Variants in SLC1A1 observed in about 807,000 individuals in gnomAD.
The protein encoded by SLC1A1 is excitatory amino acid transporter 3.
Under a neutral mutation model 53.3 loss-of-function variants are expected in SLC1A1, and 43 were observed. The observed-to-expected ratio is 0.81, with a 90% CI of 0.63 to 1.04. SLC1A1 has a LOEUF of 1.04. Among genes scored for constraint, SLC1A1 ranks in the 50% least tolerant of loss-of-function variants. The pLI is 0.00. For synonymous variants in SLC1A1, 307 were observed against 243.2 expected (o/e 1.26, Z -2.44); for missense variants, 748 against 664.9 (o/e 1.12, Z -1.37).
At chr9:4,516,347 G>C (rs1364504937) in intron 1 of SLC1A1, among the ~76,000 whole-genome samples, 2 of 152,324 alleles carry the variant, frequency 1.3e-5, no homozygotes, top group Non-Finnish European at 1.5e-5. Flanking sequence ...AAATAAAACA[G>C]GGCTGGCTGT....
At chr9:4,561,671 C>T (rs948162558) in intron 3 of SLC1A1, 130 bp downstream of exon 3, 7 of 738,126 alleles carry the variant, frequency 9.5e-6, no homozygotes, top group Non-Finnish European at 1.7e-5. Context: ...GTGGGCAGAT[C>T]CCTTGAGGTC....
intron 5 of SLC1A1, 96 bp from the exon 6 acceptor site, chr9:4,567,573 G>C (rs557485569): frequency 7.8e-4 from 612 of 782,590 alleles, no homozygotes; most frequent in Non-Finnish European, 8.2e-4. Context: ...CAGTGGCACT[G>C]TTTGGCCAAA....
intron 6 of SLC1A1, among the ~76,000 whole-genome samples, chr9:4,571,785 G>A (rs1586831856): frequency 6.6e-6 from 1 of 152,138 alleles, no homozygotes; most frequent in Non-Finnish European, 1.5e-5. Flanking sequence ...AAGGTAAAAT[G>A]TCCTAAAAGT....
At chr9:4,531,222 T>G (rs1445741459) in intron 1 of SLC1A1, among the ~76,000 whole-genome samples, 1 of 152,156 alleles carries the variant, frequency 6.6e-6, no homozygotes, top group African/African-American at 2.4e-5. Context: ...GGACAGTGGG[T>G]GCAGTGCACC....
At chr9:4,527,891 C>T (rs1051847460) in intron 1 of SLC1A1, among the ~76,000 whole-genome samples, 3 of 152,058 alleles carry the variant, frequency 2.0e-5, no homozygotes, top group Non-Finnish European at 4.4e-5. Context: ...AGAAATAAAA[C>T]CCTCCTGAAG....
chr9:4,509,563 A>T (rs892858940), intron 1 of SLC1A1, among the ~76,000 whole-genome samples: 21 of 148,692 alleles, frequency 1.4e-4, no homozygotes, highest in African/African-American at 4.5e-4. Context: ...GGAGAAAATA[A>T]AAAAAAAAAC....
intron 1 of SLC1A1, among the ~76,000 whole-genome samples, chr9:4,541,705 G>A (rs976753078): frequency 6.6e-6 from 1 of 152,084 alleles, no homozygotes; most frequent in Non-Finnish European, 1.5e-5. Context: ...TTCCCTTAAG[G>A]CTCAAAATAA....
At chr9:4,578,335 T>C (rs181643954) in intron 10 of SLC1A1, among the ~76,000 whole-genome samples, 1 of 152,238 alleles carries the variant, frequency 6.6e-6, no homozygotes, top group Admixed American at 6.5e-5. Context: ...ACCTACAACT[T>C]ATTCAAGTAG....
chr9:4,505,813 C>T (rs748714711), intron 1 of SLC1A1, among the ~76,000 whole-genome samples: 29 of 152,150 alleles, frequency 1.9e-4, no homozygotes, highest in Middle Eastern at 3.4e-3. Flanking sequence ...TGTGCCACCA[C>T]GCCCAGCTAA....
At chr9:4,540,638 C>T (rs1214211918) in intron 1 of SLC1A1, among the ~76,000 whole-genome samples, 1 of 152,182 alleles carries the variant, frequency 6.6e-6, no homozygotes. Flanking sequence ...ACCTGCTCAC[C>T]TGTGGACTCC....
At position 4,547,910 on chromosome 9, in the gene SLC1A1, A is replaced by C. The variant is rs550779053; in HGVS notation, c.232+3203A>C. 2.9e-3 allele frequency among the ~76,000 whole-genome samples: 438 copies of C among 152,212 alleles called. 1 individual carries two copies. The highest frequency in any genetic ancestry group is 7.7e-3 in the South Asian group (37 of 4,824). On this transcript the variant is annotated intron_variant, in intron 2 of 11. Coordinates refer to ENST00000262352, the MANE Select transcript of SLC1A1 (RefSeq NM_004170.6). Reference sequence around the variant, plus strand: ...GTGGGAACATTCCCAATACAGTATAAAGTGGGAAAATAAAATTACACAACA... The same window carrying C: ...GTGGGAACATTCCCAATACAGTATACAGTGGGAAAATAAAATTACACAACA...
chr9:4,502,685 G>C (rs1320904104), intron 1 of SLC1A1, among the ~76,000 whole-genome samples: 4 of 151,710 alleles, frequency 2.6e-5, no homozygotes, highest in Admixed American at 1.3e-4. Context: ...TGATTCCAAA[G>C]CTTAGGTTAC....
chr9:4,500,019 G>A (rs1017617511), intron 1 of SLC1A1, among the ~76,000 whole-genome samples: 2 of 152,182 alleles, frequency 1.3e-5, no homozygotes, highest in Non-Finnish European at 2.9e-5. Context: ...AAGAGAGAAA[G>A]CTTTCCACAT....
rs140889050 is a variant in SLC1A1 at position 4,573,882 on chromosome 9, C to T, written c.768-25C>T. 2.8e-4 allele frequency: 409 copies of T among 1,480,132 alleles called. 1 individual carries two copies. The African/African-American group carries it at 3.1e-3, about 11-fold the overall frequency. 91.7% of individuals were successfully genotyped at this position (1,480,132 alleles called of 1,614,324 possible). On this transcript the variant is annotated intron_variant, in intron 7 of 11. Coordinates refer to ENST00000262352, the MANE Select transcript of SLC1A1 (RefSeq NM_004170.6). ...GAGAAAGCACTTGATGACGGAATCACGCCTCTGTTGTGCTTCCTTTCCAGT... is the reference window on the plus strand; with the variant it reads ...GAGAAAGCACTTGATGACGGAATCATGCCTCTGTTGTGCTTCCTTTCCAGT...
At chr9:4,575,317 C>G (rs1238832727) in intron 8 of SLC1A1, among the ~76,000 whole-genome samples, 1 of 152,152 alleles carries the variant, frequency 6.6e-6, no homozygotes, top group Non-Finnish European at 1.5e-5. Flanking sequence ...CCTCCTAGTT[C>G]ATGTAACCTG....
chr9:4,491,308 A>C (rs191851966), intron 1 of SLC1A1, among the ~76,000 whole-genome samples: 9 of 152,296 alleles, frequency 5.9e-5, no homozygotes, highest in Admixed American at 5.2e-4. Context: ...GTGCGTGGAA[A>C]GGTGCCTTCC....
At chr9:4,509,420 C>G (rs1169554458) in intron 1 of SLC1A1, among the ~76,000 whole-genome samples, 1 of 152,032 alleles carries the variant, frequency 6.6e-6, no homozygotes, top group Non-Finnish European at 1.5e-5. Flanking sequence ...AACTGGGAAG[C>G]TATTAGCTCA....
intron 1 of SLC1A1, among the ~76,000 whole-genome samples, chr9:4,504,722 T>C (rs922651620): frequency 6.6e-6 from 1 of 152,220 alleles, no homozygotes; most frequent in African/African-American, 2.4e-5. Context: ...TTATGGACAG[T>C]GCTCTTACTG....
At chr9:4,521,811 A>C (rs549248100) in intron 1 of SLC1A1, among the ~76,000 whole-genome samples, 128 of 152,246 alleles carry the variant, frequency 8.4e-4, no homozygotes, top group African/African-American at 3.0e-3. Context: ...TGGGAGAGAA[A>C]GTCAGCGAAG....
Sources: allele counts gnomAD v4.1 joint callset (sites outside exome capture counted in the v4.1 genomes callset), GRCh38; gene constraint gnomAD v4.1.1; transcripts MANE v1.5; gene names NCBI Gene and HGNC (gene_info 2026-07-23, HGNC 2026-07-21).